IL1RAPL1: variants seen among roughly 807,000 people sequenced by gnomAD.
The protein encoded by IL1RAPL1 is interleukin-1 receptor accessory protein-like 1.
A neutral mutation model predicts 48.4 loss-of-function variants in IL1RAPL1; 3 were observed. That is an observed-to-expected ratio of 0.06 (90% confidence interval 0.03 to 0.16). IL1RAPL1 has a LOEUF of 0.16. IL1RAPL1 is among the 10% of genes least tolerant of loss of function. The pLI, the probability that IL1RAPL1 is intolerant of heterozygous loss-of-function variation, is 1.00. For synonymous variants in IL1RAPL1, 185 were observed against 187.7 expected, an observed-to-expected ratio of 0.99 and a Z score of 0.12; for missense variants, 349 against 530.6, an observed-to-expected ratio of 0.66 and a Z score of 3.36.
Position 29,846,886 on chromosome X carries a change from G to A in IL1RAPL1, c.779-70578G>A, listed in dbSNP as rs1318793354. On this transcript the variant is annotated intron_variant, in intron 6 of 10. Transcript: ENST00000378993. ...TGAATTTTAGCTTATGTCCCTATGG[G>A]CAGGGAAGAGAACAAAAGATGCATA... 3.7e-5 allele frequency among the ~76,000 whole-genome samples: 4 copies of A among 109,287 alleles called. No individual in the cohort carries two copies. In the East Asian group the frequency reaches 1.1e-3, roughly 31 times the overall value. 94.9% of individuals were successfully genotyped at this position (109,287 alleles called of 115,157 possible).
At chrX:29,926,140 T>A (rs1031778546) in intron 8 of IL1RAPL1, among the ~76,000 whole-genome samples, 1 of 111,622 alleles carries the variant, frequency 9.0e-6, no homozygotes, top group African/African-American at 3.3e-5. Flanking sequence ...TTGATCCTAG[T>A]TTTTGCTAAT....
chrX:29,821,791 A>T (rs755276419), intron 6 of IL1RAPL1, among the ~76,000 whole-genome samples: 39 of 112,782 alleles, frequency 3.5e-4, no homozygotes, highest in Non-Finnish European at 7.1e-4. Flanking sequence ...AAACTGGGAC[A>T]GGCATAATCC....
At chrX:28,615,211 T>TG (rs1555910615) in intron 1 of IL1RAPL1, among the ~76,000 whole-genome samples, 2,440 of 58,989 alleles carry the variant, frequency 0.041, 46 homozygotes, top group South Asian at 0.1. Context: ...TTTTTTTTTT[T>TG]TTTTTTTTTT....
chrX:29,163,051 C>T (rs1391526906), intron 2 of IL1RAPL1, among the ~76,000 whole-genome samples: 13 of 102,795 alleles, frequency 1.3e-4, no homozygotes, highest in Admixed American at 5.4e-4. Flanking sequence ...GCAGCCTGGG[C>T]GACAGAGCAA....
intron 2 of IL1RAPL1, among the ~76,000 whole-genome samples, chrX:29,178,634 C>T (rs1187228197): frequency 9.0e-6 from 1 of 111,712 alleles, no homozygotes; most frequent in Non-Finnish European, 1.9e-5. Flanking sequence ...CTTTTGTTGC[C>T]ATTGCTTTTG....
At chrX:28,923,094 G>T (rs962991154) in intron 2 of IL1RAPL1, among the ~76,000 whole-genome samples, 6 of 112,174 alleles carry the variant, frequency 5.3e-5, no homozygotes, top group African/African-American at 1.9e-4. Flanking sequence ...ATATATGCCA[G>T]TCAAATGCCA....
At position 29,955,420 on chromosome X, in the gene IL1RAPL1, T is replaced by C. The variant is rs1933399672; in HGVS notation, c.1691T>C (p.Ile564Thr). ...RLQYEMPFKR[I>T]EPITHEQALD... ...CAGTATGAAATGCCTTTTAAGAGGA[T>C]AGAACCCATTACACATGAGCAGGCT... is the stretch of plus-strand genomic sequence containing the variant. The change falls in exon 11 of 11, where the codon ATA becomes ACA. Residue 564 changes from isoleucine to threonine, a missense_variant. By Grantham distance (89) the Ile-to-Thr change is moderately conservative (BLOSUM62 -1). This residue lies in a region of IL1RAPL1 where 46 missense variants were observed against 113.3 expected (regional missense o/e 0.41). Transcript: ENST00000378993. 2.5e-6 allele frequency: 3 copies of C among 1,209,033 alleles called. No homozygotes were observed. Among genetic ancestry groups the C allele is most frequent in the East Asian group, 3.0e-5 (1 of 33,717 alleles).
At chrX:28,975,341 C>A (rs988770003) in intron 2 of IL1RAPL1, among the ~76,000 whole-genome samples, 5 of 112,039 alleles carry the variant, frequency 4.5e-5, no homozygotes, top group African/African-American at 1.6e-4. Flanking sequence ...CATCTTTCAA[C>A]TCTGTAGATT....
At chrX:29,102,378 T>C (rs1282577840) in intron 2 of IL1RAPL1, among the ~76,000 whole-genome samples, 1 of 111,761 alleles carries the variant, frequency 8.9e-6, no homozygotes, top group African/African-American at 3.3e-5. Flanking sequence ...AAGAGAGAAG[T>C]TAAACTGGCC....
chrX:29,924,231 A>T (rs1932868263), intron 8 of IL1RAPL1, among the ~76,000 whole-genome samples: 1 of 112,048 alleles, frequency 8.9e-6, no homozygotes, highest in Admixed American at 9.5e-5. Flanking sequence ...ACTATGTGAT[A>T]CTCTGGCTAA....
chrX:29,803,851 GATAA>G (rs1273730873), intron 6 of IL1RAPL1, among the ~76,000 whole-genome samples: 1 of 110,095 alleles, frequency 9.1e-6, no homozygotes, highest in Non-Finnish European at 1.9e-5. Context: ...GTCAGGGTCT[GATAA>G]ATAAAGACCA....
chrX:28,704,455 C>CACAT (rs1393767628), intron 1 of IL1RAPL1, among the ~76,000 whole-genome samples: 2 of 89,025 alleles, frequency 2.2e-5, no homozygotes, highest in East Asian at 3.7e-4. Context: ...CACACACACA[C>CACAT]GCATGCACAC....
intron 6 of IL1RAPL1, among the ~76,000 whole-genome samples, chrX:29,894,578 A>G (rs776021570): frequency 2.7e-5 from 3 of 112,131 alleles, no homozygotes; most frequent in Admixed American, 9.5e-5. Flanking sequence ...GAAGGTTTTT[A>G]TTTCTATTAA....
intron 2 of IL1RAPL1, among the ~76,000 whole-genome samples, chrX:28,988,721 A>G (rs1296311805): frequency 8.9e-6 from 1 of 112,152 alleles, no homozygotes; most frequent in Non-Finnish European, 1.9e-5. Flanking sequence ...TGTATTTTAC[A>G]TAATCATCGT....
chrX:29,154,273 T>G (rs1314697686), intron 2 of IL1RAPL1, among the ~76,000 whole-genome samples: 2 of 111,542 alleles, frequency 1.8e-5, no homozygotes, highest in Non-Finnish European at 3.8e-5. Flanking sequence ...GGTGCGGTGG[T>G]TCACTCCTGT....
chrX:29,756,413 A>AC (rs1323161456), intron 6 of IL1RAPL1, among the ~76,000 whole-genome samples: 1 of 111,208 alleles, frequency 9.0e-6, no homozygotes, highest in Non-Finnish European at 1.9e-5. Context: ...AGCATATATC[A>AC]CCTTTCTCTT....
At chrX:29,128,817 C>T (rs1928953266) in intron 2 of IL1RAPL1, among the ~76,000 whole-genome samples, 1 of 110,632 alleles carries the variant, frequency 9.0e-6, no homozygotes, top group Admixed American at 9.7e-5. Flanking sequence ...TTAATAAACA[C>T]ATTAAGTGTT....
chrX:29,239,774 G>A (rs1472087240), intron 2 of IL1RAPL1, among the ~76,000 whole-genome samples: 1 of 108,015 alleles, frequency 9.3e-6, no homozygotes, highest in Non-Finnish European at 1.9e-5. Context: ...TGTATTTTAT[G>A]TGTGGCCCAA....
At chrX:28,823,538 T>C in intron 2 of IL1RAPL1, among the ~76,000 whole-genome samples, 1 of 111,403 alleles carries the variant, frequency 9.0e-6, no homozygotes, top group Middle Eastern at 4.6e-3. Context: ...GCTGTAAGCA[T>C]TATGGCTAAG....
Sources: gnomAD v4.1 joint callset for allele counts (sites outside exome capture counted in the v4.1 genomes callset) on GRCh38, gnomAD v4.1.1 for gene constraint, gnomAD v4.1.1 regional missense constraint, MANE v1.5 for transcripts, NCBI Gene and HGNC (gene_info 2026-07-23, HGNC 2026-07-21) for gene names.